CSMD2: variants seen among roughly 807,000 people sequenced by gnomAD.
CSMD2 encodes the protein CUB and sushi domain-containing protein 2.
Under a neutral mutation model 398.5 loss-of-function variants are expected in CSMD2, and 130 were observed. The ratio of observed to expected loss-of-function variants is 0.33; its 90% CI spans 0.28 to 0.38. The LOEUF (loss-of-function observed/expected upper bound fraction) is 0.38, where lower values mean the gene tolerates loss of function less well. Among genes scored for constraint, CSMD2 ranks in the 10% least tolerant of loss-of-function variants. The pLI is 1.00. For missense variants in CSMD2, 3,829 were observed against 4,764.9 expected (o/e 0.80, Z 5.78); for synonymous variants, 1,828 against 1,908.5 (o/e 0.96, Z 1.10).
intron 13 of CSMD2, among the ~76,000 whole-genome samples, chr1:33,749,668 TA>T (rs1318321710): frequency 6.6e-6 from 1 of 152,014 alleles, no homozygotes; most frequent in African/African-American, 2.4e-5. Context: ...ATAGAAAAGA[TA>T]AATATACATA....
intron 20 of CSMD2, 83 bp from the exon 21 acceptor site, chr1:33,714,858 C>T (rs1450743420): frequency 4.3e-6 from 6 of 1,384,854 alleles, no homozygotes; most frequent in Non-Finnish European, 6.0e-6. Flanking sequence ...AGGCAAAACA[C>T]CAGGGGGAAA....
chr1:33,699,828 T>C (rs923990567), intron 23 of CSMD2, among the ~76,000 whole-genome samples: 1 of 152,134 alleles, frequency 6.6e-6, no homozygotes, highest in African/African-American at 2.4e-5. Context: ...TCCATACACA[T>C]TTTTCCCCCA....
intron 49 of CSMD2, 70 bp from the exon 50 acceptor site, chr1:33,572,761 T>G: frequency 1.5e-6 from 2 of 1,299,010 alleles, no homozygotes; most frequent in Non-Finnish European, 1.0e-6. Flanking sequence ...TTTTTATCCT[T>G]CCTCCCCTCC....
chr1:34,038,314 A>G (rs1651405173), intron 2 of CSMD2, among the ~76,000 whole-genome samples: 1 of 152,214 alleles, frequency 6.6e-6, no homozygotes, highest in African/African-American at 2.4e-5. Context: ...CAGTAAAATG[A>G]TGGCAAGGCA....
At chr1:33,772,813 G>A (rs1263694354) in intron 12 of CSMD2, 62 bp from the exon 13 acceptor site, 15 of 1,419,346 alleles carry the variant, frequency 1.1e-5, no homozygotes, top group Non-Finnish European at 9.7e-7. Context: ...TTTTGGAGCT[G>A]AAGGTCCACA....
At chr1:33,954,084 A>G (rs1645088459) in intron 3 of CSMD2, among the ~76,000 whole-genome samples, 1 of 152,122 alleles carries the variant, frequency 6.6e-6, no homozygotes, top group Non-Finnish European at 1.5e-5. Context: ...TGCTATGTGG[A>G]CCCAGGCAGA....
Position 34,088,963 on chromosome 1 carries a change from G to A in CSMD2, c.404+14C>T, listed in dbSNP as rs748964908. The A allele has an allele frequency of 1.2e-6, 2 of 1,606,094 alleles. No individual in the cohort carries two copies. The highest frequency in any genetic ancestry group is 1.7e-6 in the Non-Finnish European group (2 of 1,173,906). ...CCCAGCTGTTTGCTACAGGGAAGGTGGGCAGCATGGTACCTCGTACGCAGA... is the reference window on the plus strand; with the variant it reads ...CCCAGCTGTTTGCTACAGGGAAGGTAGGCAGCATGGTACCTCGTACGCAGA... On this transcript the variant is annotated intron_variant, in intron 2 of 70. Transcript: ENST00000373381.
chr1:33,959,592 A>G (rs1645282534), intron 3 of CSMD2, among the ~76,000 whole-genome samples: 1 of 152,200 alleles, frequency 6.6e-6, no homozygotes, highest in Non-Finnish European at 1.5e-5. Context: ...AAAGCAGCAC[A>G]GTTGCTCACC....
At chr1:33,542,259 C>T (rs1656420921) in intron 58 of CSMD2, among the ~76,000 whole-genome samples, 2 of 152,172 alleles carry the variant, frequency 1.3e-5, no homozygotes. Context: ...GGAACCCGTA[C>T]TGGGTGGGGT....
Position 33,846,884 on chromosome 1 carries a change from C to T in CSMD2, c.1033G>A (p.Val345Ile). Residue 345 changes from valine (V) to isoleucine (I), a missense_variant and splice_region_variant, in exon 6 of 71, where the codon GTC becomes ATC. Around this residue, in one of 5 missense-constraint regions of CSMD2, gnomAD observed 2,001 missense variants for 2,567.1 expected, o/e 0.78. Coordinates refer to ENST00000373381, the MANE Select transcript of CSMD2 (RefSeq NM_001281956.2). ...RQRGFSAQYQ[V>I]KKQIELKSRG... is the part of the protein sequence containing the mutation. ...CCAGACAGTCCTGGGACCTGCCTAC[C>T]TTGGTATTGGGCACTGAATCCGCGC... 1 of 1,591,744 alleles carries T rather than the reference C, an allele frequency of 6.3e-7. No homozygotes were observed. The highest frequency in any genetic ancestry group is 8.6e-7 in the Non-Finnish European group (1 of 1,166,930).
intron 5 of CSMD2, among the ~76,000 whole-genome samples, chr1:33,902,789 G>A (rs955749962): frequency 2.8e-4 from 43 of 152,244 alleles, no homozygotes; most frequent in African/African-American, 1.0e-3. Flanking sequence ...GGTCCCTGGC[G>A]GTCCCCAAGT....
intron 4 of CSMD2, among the ~76,000 whole-genome samples, chr1:33,927,757 G>A (rs1644175014): frequency 1.3e-5 from 2 of 152,138 alleles, no homozygotes; most frequent in African/African-American, 2.4e-5. Context: ...CCAGGCATGA[G>A]ACGCTTCCTC....
At chr1:33,949,503 A>G (rs1222115096) in intron 3 of CSMD2, among the ~76,000 whole-genome samples, 1 of 152,218 alleles carries the variant, frequency 6.6e-6, no homozygotes, top group Non-Finnish European at 1.5e-5. Flanking sequence ...ATCATTCGTG[A>G]ATAGTCCTAC....
intron 12 of CSMD2, among the ~76,000 whole-genome samples, chr1:33,784,723 A>G (rs1199745626): frequency 6.6e-6 from 1 of 152,206 alleles, no homozygotes; most frequent in African/African-American, 2.4e-5. Context: ...CCTGGCCTGG[A>G]GGACAAGAAA....
chr1:33,908,370 A>G (rs1643246597), intron 5 of CSMD2, among the ~76,000 whole-genome samples: 1 of 152,262 alleles, frequency 6.6e-6, no homozygotes. Flanking sequence ...TGGAGGACCC[A>G]GAACAACTCC....
chr1:33,604,419 G>A (rs1043801611), intron 42 of CSMD2, among the ~76,000 whole-genome samples: 1 of 152,310 alleles, frequency 6.6e-6, no homozygotes, highest in African/African-American at 2.4e-5. Flanking sequence ...GAGAGTTTGA[G>A]TCTGAGAGTG....
intron 5 of CSMD2, among the ~76,000 whole-genome samples, chr1:33,915,710 C>T (rs1394340826): frequency 3.3e-5 from 5 of 152,172 alleles, no homozygotes; most frequent in African/African-American, 7.2e-5. Flanking sequence ...CAAGGGTATT[C>T]GTCTTGGCAC....
intron 1 of CSMD2, among the ~76,000 whole-genome samples, chr1:34,118,770 A>C (rs988521342): frequency 6.6e-6 from 1 of 152,226 alleles, no homozygotes; most frequent in East Asian, 1.9e-4. Context: ...GCTTACAGAT[A>C]TTAAAGAAAA....
intron 3 of CSMD2, among the ~76,000 whole-genome samples, chr1:34,027,851 GCCCTACATGGGCAGACAGC>G (rs1456750689): frequency 9.5e-4 from 3 of 3,142 alleles, no homozygotes; most frequent in Non-Finnish European, 0.011. Flanking sequence ...TGGGCAGACA[GCCCTACATGGGCAGACAGC>G]CCTACATGGG....
Sources: gnomAD v4.1 joint callset for allele counts (sites outside exome capture counted in the v4.1 genomes callset) on GRCh38, gnomAD v4.1.1 for gene constraint, gnomAD v4.1.1 regional missense constraint, MANE v1.5 for transcripts, NCBI Gene and HGNC (gene_info 2026-07-23, HGNC 2026-07-21) for gene names.